Variants in PALM2AKAP2 observed in about 807,000 individuals in gnomAD.
PALM2AKAP2 encodes PALM2 and AKAP2 fusion, also known as PALM2-AKAP2 fusion protein.
In PALM2AKAP2, 37 loss-of-function variants were observed where a neutral mutation model predicts 71.5. That is an observed-to-expected ratio of 0.52 (90% CI 0.40 to 0.68). The LOEUF is 0.68. PALM2AKAP2 is among the 30% of genes least tolerant of loss of function. The probability of loss-of-function intolerance (pLI) is 0.00; values close to 1 mark genes in which losing one functional copy is unlikely to be tolerated. For synonymous variants in PALM2AKAP2, 468 were observed against 478.8 expected, an observed-to-expected ratio of 0.98 and a Z score of 0.29; for missense variants, 1,224 against 1,191.8, an observed-to-expected ratio of 1.03 and a Z score of -0.40.
intron 6 of PALM2AKAP2, among the ~76,000 whole-genome samples, chr9:110,006,386 C>T (rs979250922): frequency 1.1e-5 from 1 of 91,466 alleles, no homozygotes. Flanking sequence ...TCTTTCTTTA[C>T]AAGATCTTAC....
chr9:109,831,281 C>A (rs1284795825), intron 1 of PALM2AKAP2, among the ~76,000 whole-genome samples: 1 of 151,990 alleles, frequency 6.6e-6, no homozygotes, highest in African/African-American at 2.4e-5. Context: ...TGAAGGTTGC[C>A]TTGTATTAGG....
intron 1 of PALM2AKAP2, among the ~76,000 whole-genome samples, chr9:109,811,761 C>T (rs969701161): frequency 9.2e-5 from 14 of 152,084 alleles, no homozygotes; most frequent in Non-Finnish European, 1.3e-4. Context: ...ATTTTAGAGA[C>T]GGTGGCTTGC....
intron 1 of PALM2AKAP2, among the ~76,000 whole-genome samples, chr9:109,680,751 A>T (rs2118516392): frequency 6.6e-6 from 1 of 152,206 alleles, no homozygotes; most frequent in African/African-American, 2.4e-5. Flanking sequence ...ACATATCTAC[A>T]AAAAGCATAA....
chr9:110,161,795 G>C (rs1395035386), intron 3 of PALM2AKAP2, among the ~76,000 whole-genome samples: 1 of 152,140 alleles, frequency 6.6e-6, no homozygotes, highest in African/African-American at 2.4e-5. Context: ...ATTGTGTACA[G>C]AGGGGAAGGA....
chr9:109,666,944 G>C (rs1019399161), intron 1 of PALM2AKAP2, among the ~76,000 whole-genome samples: 1 of 152,184 alleles, frequency 6.6e-6, no homozygotes, highest in Non-Finnish European at 1.5e-5. Context: ...GAAAATAAAT[G>C]TTTAGAAAGG....
At chr9:109,706,144 C>T (rs1828140495) in intron 1 of PALM2AKAP2, among the ~76,000 whole-genome samples, 1 of 152,200 alleles carries the variant, frequency 6.6e-6, no homozygotes, top group Non-Finnish European at 1.5e-5. Flanking sequence ...AAAAAACATG[C>T]CTGGAAAGCT....
chr9:109,932,042 A>T lies in PALM2AKAP2; in HGVS notation c.496+14A>T, dbSNP rs755214612. ...GCAGAGCGGCTGGTAAGTCCTGGGG[A>T]CCTTTGGACGCTAGGATGGTCCAAG... is the stretch of plus-strand genomic sequence containing the variant. On this transcript the variant is annotated intron_variant, in intron 6 of 9. Transcript: ENST00000302798. The T allele has an allele frequency of 6.2e-6, 10 of 1,607,792 alleles. No homozygotes were observed. In the East Asian group the frequency reaches 2.2e-4, roughly 36 times the overall value.
intron 1 of PALM2AKAP2, among the ~76,000 whole-genome samples, chr9:110,071,504 A>T (rs909689339): frequency 6.6e-6 from 1 of 152,152 alleles, no homozygotes; most frequent in Non-Finnish European, 1.5e-5. Flanking sequence ...AGTCTATCTT[A>T]TTGACGTCTT....
intron 1 of PALM2AKAP2, among the ~76,000 whole-genome samples, chr9:110,109,242 G>A (rs1217060248): frequency 1.3e-5 from 2 of 150,254 alleles, no homozygotes; most frequent in African/African-American, 4.9e-5. Context: ...GCTTGAACCC[G>A]GGAAGTGGAG....
intron 1 of PALM2AKAP2, among the ~76,000 whole-genome samples, chr9:110,135,406 G>A (rs898491649): frequency 1.4e-5 from 2 of 145,942 alleles, no homozygotes; most frequent in Non-Finnish European, 3.0e-5. Context: ...AAGAAGATAG[G>A]GTTTTCTTAT....
intron 1 of PALM2AKAP2, among the ~76,000 whole-genome samples, chr9:109,861,400 G>A (rs1055198436): frequency 2.6e-5 from 4 of 152,062 alleles, no homozygotes; most frequent in Admixed American, 2.0e-4. Flanking sequence ...CATTCTCTAC[G>A]GGTGCTCTTT....
chr9:110,022,398 G>T (rs998693400), intron 7 of PALM2AKAP2, among the ~76,000 whole-genome samples: 2 of 152,080 alleles, frequency 1.3e-5, no homozygotes, highest in Non-Finnish European at 2.9e-5. Flanking sequence ...CCTTCCCATG[G>T]CTCCTGGAAC....
chr9:109,793,596 C>A (rs1827174296), intron 1 of PALM2AKAP2, among the ~76,000 whole-genome samples: 1 of 152,046 alleles, frequency 6.6e-6, no homozygotes, highest in South Asian at 2.1e-4. Context: ...CACAAGGAGG[C>A]AAGGAGGAAA....
Position 110,097,178 on chromosome 9 carries a change from C to T in PALM2AKAP2, c.157-38949C>T, listed in dbSNP as rs190280826. Among the ~76,000 whole-genome samples, 134 of 151,048 alleles carry T rather than the reference C, an allele frequency of 8.9e-4. 1 individual carries two copies. Among genetic ancestry groups the T allele is most frequent in the African/African-American group, 3.0e-3 (123 of 40,858 alleles). ...TCTTAACCAGCATGCTGCCTTCAAGCGTCTGTTTAACAAAGCACATCTTGC... is the reference window on the plus strand; with the variant it reads ...TCTTAACCAGCATGCTGCCTTCAAGTGTCTGTTTAACAAAGCACATCTTGC... On this transcript the variant is annotated intron_variant, in intron 1 of 3. Coordinates refer to ENST00000374525, the Ensembl canonical transcript of PALM2AKAP2.
At chr9:110,135,352 TA>T (rs72447322) in intron 1 of PALM2AKAP2, among the ~76,000 whole-genome samples, 15,750 of 76,632 alleles carry the variant, frequency 0.21, 1,668 homozygotes, top group African/African-American at 0.34. Flanking sequence ...CCTCCTTCCT[TA>T]AAAAAAAAAA....
At chr9:109,745,849 T>G (rs1417881814) in intron 1 of PALM2AKAP2, among the ~76,000 whole-genome samples, 2 of 152,160 alleles carry the variant, frequency 1.3e-5, no homozygotes, top group Non-Finnish European at 2.9e-5. Flanking sequence ...CTTCATAAAT[T>G]CAGACCCCAG....
intron 1 of PALM2AKAP2, among the ~76,000 whole-genome samples, chr9:109,645,127 C>T (rs1011918082): frequency 2.6e-5 from 4 of 152,114 alleles, no homozygotes; most frequent in Non-Finnish European, 5.9e-5. Context: ...TGAGACTGGG[C>T]AATTTACAAA....
At chr9:109,713,367 G>A (rs982484092) in intron 1 of PALM2AKAP2, among the ~76,000 whole-genome samples, 10 of 152,074 alleles carry the variant, frequency 6.6e-5, no homozygotes, top group African/African-American at 2.4e-4. Flanking sequence ...GGCATCAACA[G>A]GTGGTAAGAA....
rs1325457984 is a variant in PALM2AKAP2, at chr9:109,756,361, A to G, written c.6-24127A>G. On this transcript the variant is annotated intron_variant, in intron 1 of 6. Transcript: ENST00000374531. ...GAATGTGTGATTGGACCCATGTTCT[A>G]CTATTAATCTTCATCTTTTTTCTTA... 2.6e-5 allele frequency among the ~76,000 whole-genome samples: 4 copies of G among 152,138 alleles called. No individual in the cohort carries two copies. The East Asian group carries it at 5.8e-4, about 22-fold the overall frequency.
Sources: gnomAD v4.1 joint callset for allele counts (sites outside exome capture counted in the v4.1 genomes callset) on GRCh38, gnomAD v4.1.1 for gene constraint, MANE v1.5 for transcripts, NCBI Gene and HGNC (gene_info 2026-07-23, HGNC 2026-07-21) for gene names.